GPR176: variants seen among roughly 807,000 people sequenced by gnomAD.
GPR176 encodes G protein-coupled receptor 176.
A neutral mutation model predicts 35.4 loss-of-function variants in GPR176; 26 were observed. That is an observed-to-expected ratio of 0.74 (90% CI 0.54 to 1.02). The LOEUF is 1.02. Among genes scored for constraint, GPR176 ranks in the 50% least tolerant of loss-of-function variants. The pLI is 0.00. For missense variants in GPR176, 597 were observed against 665.3 expected (o/e 0.90, Z 1.13); for synonymous variants, 278 against 271.3 (o/e 1.02, Z -0.24).
intron 1 of GPR176, among the ~76,000 whole-genome samples, chr15:39,847,730 G>C (rs1262972872): frequency 3.7e-5 from 4 of 109,124 alleles, no homozygotes; most frequent in African/African-American, 1.1e-4. Context: ...GTGACAAAGC[G>C]AGACTCTGTC....
intron 1 of GPR176, among the ~76,000 whole-genome samples, chr15:39,914,470 T>C (rs893969611): frequency 1.3e-5 from 2 of 152,066 alleles, no homozygotes; most frequent in Non-Finnish European, 2.9e-5. Flanking sequence ...CCTACCACCA[T>C]GCCCGGCTAA....
intron 1 of GPR176, among the ~76,000 whole-genome samples, chr15:39,809,659 C>A (rs1260966910): frequency 6.6e-6 from 1 of 152,146 alleles, no homozygotes; most frequent in African/African-American, 2.4e-5. Context: ...ATTATACTTT[C>A]TAATGTTTAA....
intron 1 of GPR176, among the ~76,000 whole-genome samples, chr15:39,875,438 A>G (rs1035098638): frequency 6.6e-6 from 1 of 152,244 alleles, no homozygotes. Context: ...AAATATTTTC[A>G]TATCACTCTT....
intron 1 of GPR176, among the ~76,000 whole-genome samples, chr15:39,856,618 A>C (rs1382863185): frequency 1.3e-5 from 2 of 152,220 alleles, no homozygotes; most frequent in Non-Finnish European, 2.9e-5. Flanking sequence ...GTCTGAACAC[A>C]TGGCAGCTGA....
chr15:39,906,089 G>A (rs780074431), intron 1 of GPR176, among the ~76,000 whole-genome samples: 4 of 152,210 alleles, frequency 2.6e-5, no homozygotes, highest in Non-Finnish European at 5.9e-5. Flanking sequence ...TGAAGGTTTT[G>A]TGTGTACAAA....
At chr15:39,850,834 G>GC (rs2030812557) in intron 1 of GPR176, among the ~76,000 whole-genome samples, 1 of 152,112 alleles carries the variant, frequency 6.6e-6, no homozygotes, top group Non-Finnish European at 1.5e-5. Flanking sequence ...CCTGTCAGCT[G>GC]TGGGGAGAAT....
intron 1 of GPR176, among the ~76,000 whole-genome samples, chr15:39,812,371 T>C (rs1899624870): frequency 6.6e-6 from 1 of 152,226 alleles, no homozygotes; most frequent in South Asian, 2.1e-4. Flanking sequence ...AAGACTAGAC[T>C]GGCTAAGGCT....
At chr15:39,866,517 G>C (rs1229560265) in intron 1 of GPR176, among the ~76,000 whole-genome samples, 1 of 152,130 alleles carries the variant, frequency 6.6e-6, no homozygotes, top group Non-Finnish European at 1.5e-5. Context: ...TGGATAGTAA[G>C]AAATAGCAAA....
At chr15:39,846,126 T>C (rs1461756048) in intron 1 of GPR176, among the ~76,000 whole-genome samples, 1 of 152,204 alleles carries the variant, frequency 6.6e-6, no homozygotes, top group Non-Finnish European at 1.5e-5. Flanking sequence ...GATATACTTT[T>C]CCCTATTTGT....
At chr15:39,882,474 A>T (rs141082992) in intron 1 of GPR176, among the ~76,000 whole-genome samples, 2 of 152,352 alleles carry the variant, frequency 1.3e-5, no homozygotes, top group East Asian at 3.9e-4. Flanking sequence ...GTTACCAAGA[A>T]CCCAATCTAC....
At chr15:39,901,272 T>A (rs188553500) in intron 1 of GPR176, among the ~76,000 whole-genome samples, 1 of 152,326 alleles carries the variant, frequency 6.6e-6, no homozygotes, top group African/African-American at 2.4e-5. Context: ...AGTTATTACT[T>A]ATAGGATATG....
intron 1 of GPR176, among the ~76,000 whole-genome samples, chr15:39,841,500 C>T (rs643897): frequency 0.044 from 6,675 of 152,104 alleles, 531 homozygotes; most frequent in African/African-American, 0.15. Flanking sequence ...CAGACACACA[C>T]AGGGAAGATG....
chr15:39,848,239 T>G (rs1224753564), intron 1 of GPR176, among the ~76,000 whole-genome samples: 1 of 152,150 alleles, frequency 6.6e-6, no homozygotes, highest in Admixed American at 6.6e-5. Context: ...GAGAGGCATA[T>G]ATAGTGATAA....
At chr15:39,867,621 T>A (rs2031882702) in intron 1 of GPR176, among the ~76,000 whole-genome samples, 1 of 151,892 alleles carries the variant, frequency 6.6e-6, no homozygotes, top group Non-Finnish European at 1.5e-5. Context: ...TGGGGAGGAT[T>A]TTAGAACTGG....
chr15:39,804,891 A>T (rs946497975), intron 2 of GPR176, among the ~76,000 whole-genome samples: 3 of 152,372 alleles, frequency 2.0e-5, no homozygotes, highest in Non-Finnish European at 1.5e-5. Flanking sequence ...TAAAGCAAAC[A>T]TATAGAAAAA....
chr15:39,883,062 G>C (rs1938641163), intron 1 of GPR176, among the ~76,000 whole-genome samples: 1 of 152,168 alleles, frequency 6.6e-6, no homozygotes, highest in Non-Finnish European at 1.5e-5. Flanking sequence ...TTGAAGATGT[G>C]CTTAGAGACT....
At chr15:39,878,245 A>G (rs113751932) in intron 1 of GPR176, among the ~76,000 whole-genome samples, 1,798 of 152,050 alleles carry the variant, frequency 0.012, 16 homozygotes, top group Middle Eastern at 0.037. Context: ...ATCCTGTACA[A>G]CTGAACCTTT....
chr15:39,857,792 C>T (rs955580365), intron 1 of GPR176, among the ~76,000 whole-genome samples: 2 of 150,712 alleles, frequency 1.3e-5, no homozygotes, highest in African/African-American at 4.9e-5. Flanking sequence ...CATGGTGAAA[C>T]CCCGTCTCTA....
At chr15:39,823,817 G>A (rs193031748) in intron 1 of GPR176, among the ~76,000 whole-genome samples, 202 of 152,330 alleles carry the variant, frequency 1.3e-3, no homozygotes, top group Non-Finnish European at 2.3e-3. Context: ...CTTTGAATGT[G>A]AATGGTGCCC....
Sources: gnomAD v4.1 joint callset for allele counts (sites outside exome capture counted in the v4.1 genomes callset) on GRCh38, gnomAD v4.1.1 for gene constraint, MANE v1.5 for transcripts, NCBI Gene and HGNC (gene_info 2026-07-23, HGNC 2026-07-21) for gene names.